Variants in MYOM2 observed in about 807,000 individuals in gnomAD.
MYOM2 encodes the protein myomesin-2.
In MYOM2, 254 loss-of-function variants were observed where a neutral mutation model predicts 187.6. The observed-to-expected ratio is 1.35, with a 90% CI of 1.22 to 1.50. MYOM2 has a LOEUF of 1.50. Among genes scored for constraint, MYOM2 ranks in the 40% most tolerant of loss-of-function variants. The pLI is 0.00. For synonymous variants in MYOM2, 981 were observed against 753.8 expected (o/e 1.30, Z -4.94); for missense variants, 2,796 against 1,924.0 (o/e 1.45, Z -8.48).
chr8:2,093,114 G>A (rs779182631), intron 16 of MYOM2, among the ~76,000 whole-genome samples: 8 of 152,162 alleles, frequency 5.3e-5, no homozygotes, highest in Non-Finnish European at 1.0e-4. Flanking sequence ...GAAAATGTCA[G>A]CAGCTGTCAG....
In MYOM2 at chr8:2,078,770, T is replaced by C. The variant is rs769993557; in HGVS notation, c.1299T>C (p.Asn433=). The C allele has an allele frequency of 1.2e-6, 2 of 1,614,052 alleles. No individual in the cohort carries two copies. The highest frequency in any genetic ancestry group is 2.2e-5 in the East Asian group (1 of 44,884). ...EVGTNNWVQC[N]DAPVKICKYP... ...GAACGAATAATTGGGTGCAGTGCAA[T>C]GATGCACCGGTGAAAATCTGCAAAT... The change falls in exon 12 of 37, where the codon AAT becomes AAC. Residue 433 remains asparagine, a synonymous_variant. Coordinates refer to ENST00000262113, the MANE Select transcript of MYOM2 (RefSeq NM_003970.4).
intron 3 of MYOM2, among the ~76,000 whole-genome samples, chr8:2,055,085 ACGAAGTACC>A (rs1208051618): frequency 3.1e-4 from 36 of 117,172 alleles, no homozygotes; most frequent in South Asian, 1.3e-3. Context: ...TACTGGGGGA[ACGAAGTACC>A]TGGATACTGG....
chr8:2,079,792 C>G (rs1350333520), intron 13 of MYOM2, among the ~76,000 whole-genome samples, 179 bp downstream of exon 13: 2 of 152,076 alleles, frequency 1.3e-5, no homozygotes, highest in Admixed American at 6.6e-5. Context: ...AAGAAAAAAT[C>G]AAGCAAGACA....
chr8:2,100,153 C>CTTCCTTCTTTCCTTCCTTCCTTCT (rs1796654442), intron 19 of MYOM2, among the ~76,000 whole-genome samples: 4 of 137,422 alleles, frequency 2.9e-5, no homozygotes, highest in Admixed American at 1.5e-4. Context: ...TCCTTCCTTC[C>CTTCCTTCTTTCCTTCCTTCCTTCT]TTCCTTCCTT....
intron 31 of MYOM2, among the ~76,000 whole-genome samples, chr8:2,128,475 A>G (rs1462807665): frequency 6.6e-6 from 1 of 152,194 alleles, no homozygotes; most frequent in Non-Finnish European, 1.5e-5. Context: ...AACAATCTCT[A>G]CTTCCAGTTC....
chr8:2,061,945 A>G (rs1818863772), intron 6 of MYOM2, among the ~76,000 whole-genome samples: 1 of 152,150 alleles, frequency 6.6e-6, no homozygotes, highest in South Asian at 2.1e-4. Flanking sequence ...TTGATGAGTG[A>G]AGGACACAGC....
rs569834838 is a variant in MYOM2, at chr8:2,136,337, G to A, written c.3801-4386G>A. Among the ~76,000 whole-genome samples, 12 of 149,570 alleles carry A rather than the reference G, an allele frequency of 8.0e-5. No individual in the cohort carries two copies. In the South Asian group the frequency reaches 2.1e-3, roughly 27 times the overall value. Reference sequence around the variant, plus strand: ...TTTACCCTGATCCCAGGGTGGCAGCGGAGGCCGCAGCTGTGACGGAGGTGG... The same window carrying A: ...TTTACCCTGATCCCAGGGTGGCAGCAGAGGCCGCAGCTGTGACGGAGGTGG... On this transcript the variant is annotated intron_variant, in intron 32 of 36. Transcript: ENST00000262113.
intron 36 of MYOM2, among the ~76,000 whole-genome samples, chr8:2,144,203 A>G (rs755795534): frequency 2.0e-5 from 3 of 152,232 alleles, no homozygotes; most frequent in South Asian, 2.1e-4. Flanking sequence ...AGCATGTTTT[A>G]ACTAAGCTTC....
chr8:2,078,887 T>TGATGC lies in MYOM2; in HGVS notation c.1418_1422dup (p.Val475MetfsTer93), dbSNP rs1282170199. On this transcript the variant is annotated frameshift_variant, in exon 12 of 37. Transcript: ENST00000262113. LOFTEE classifies it high-confidence loss of function. ...GCATCAGCCGACCCTCCAGGGTCTC[T>TGATGC]GATGCGGTGGCTGCACTTGACCCCT... 1 of 1,613,928 alleles carries TGATGC rather than the reference T, an allele frequency of 6.2e-7. No homozygotes were observed. The highest frequency in any genetic ancestry group is 8.5e-7 in the Non-Finnish European group (1 of 1,179,912).
chr8:2,144,925 C>T lies in MYOM2; in HGVS notation c.4342C>T (p.Pro1448Ser). Residue 1448 changes from proline (P) to serine (S), a missense_variant, in exon 37 of 37, where the codon CCC (proline) becomes TCC (serine). Transcript: ENST00000262113. ...HGEKIPDMAP[P>S]QQAKPKLIPA... ...GGAGAAGATCCCGGACATGGCCCCG[C>T]CCCAGCAAGCCAAGCCCAAGCTCAT... is the stretch of plus-strand genomic sequence containing the variant. 1 of 1,614,180 alleles carries T rather than the reference C, an allele frequency of 6.2e-7. No homozygotes were observed. The highest frequency in any genetic ancestry group is 1.1e-5 in the South Asian group (1 of 91,074).
intron 31 of MYOM2, among the ~76,000 whole-genome samples, chr8:2,125,721 C>T (rs1797613032): frequency 6.9e-6 from 1 of 144,598 alleles, no homozygotes; most frequent in South Asian, 2.2e-4. Context: ...GATTTTCCTA[C>T]CTCAGTCTCC....
intron 35 of MYOM2, among the ~76,000 whole-genome samples, chr8:2,143,147 C>T (rs930269175): frequency 3.3e-5 from 5 of 152,174 alleles, no homozygotes; most frequent in African/African-American, 1.2e-4. Flanking sequence ...AAGCCCAGTT[C>T]CCATCTCACA....
At chr8:2,132,978 G>A (rs1797928222) in intron 32 of MYOM2, among the ~76,000 whole-genome samples, 2 of 152,170 alleles carry the variant, frequency 1.3e-5, no homozygotes, top group African/African-American at 2.4e-5. Context: ...GGCTGGGGCG[G>A]TGACGGGACG....
Position 2,055,095 on chromosome 8 carries a change from TGG to T in MYOM2, c.264-2252_264-2251del. 8.0e-5 allele frequency among the ~76,000 whole-genome samples: 2 copies of T among 24,868 alleles called. 1 individual carries two copies. Among genetic ancestry groups the T allele is most frequent in the South Asian group, 5.8e-3 (2 of 344 alleles). 16.3% of individuals were successfully genotyped at this position (24,868 alleles called of 152,430 possible). On this transcript the variant is annotated intron_variant, in intron 3 of 36. Transcript: ENST00000262113. ...CTGGATACTGGGGGAACGAAGTACCTGGATACTGGGGTAACCAAGTACCTGGA... is the reference window on the plus strand; with the variant it reads ...CTGGATACTGGGGGAACGAAGTACCTATACTGGGGTAACCAAGTACCTGGA...
rs770694689 is a variant in MYOM2, at chr8:2,059,206, T to C, written c.614T>C (p.Ile205Thr). 102 of 1,614,010 alleles carry C rather than the reference T, an allele frequency of 6.3e-5. No individual in the cohort carries two copies. The highest frequency in any genetic ancestry group is 8.1e-5 in the Non-Finnish European group (96 of 1,180,032). ...CQAAEPGKYRIESNYGVHTLE... is the reference protein window; with the variant it reads ...CQAAEPGKYRTESNYGVHTLE... ...GCGGCTGAACCGGGAAAGTACAGGA[T>C]TGAGAGCAACTATGGCGTACACACA... is the stretch of plus-strand genomic sequence containing the variant. Residue 205 changes from isoleucine to threonine, a missense_variant, in exon 6 of 37, where the codon ATT (isoleucine) becomes ACT (threonine). Coordinates refer to ENST00000262113, the MANE Select transcript of MYOM2 (RefSeq NM_003970.4).
At chr8:2,141,305 TG>T (rs1798266385) in intron 34 of MYOM2, 128 bp downstream of exon 34, 2 of 747,696 alleles carry the variant, frequency 2.7e-6, no homozygotes, top group African/African-American at 1.7e-5. Context: ...GGGACAGAAG[TG>T]GGAATTTAAG....
chr8:2,139,352 G>T (rs1034416334), intron 32 of MYOM2, among the ~76,000 whole-genome samples: 5 of 151,978 alleles, frequency 3.3e-5, no homozygotes, highest in Admixed American at 1.3e-4. Context: ...TGTTTTCCAG[G>T]CTGGTCTCCA....
At chr8:2,096,768 CAT>C (rs1796503058) in intron 18 of MYOM2, among the ~76,000 whole-genome samples, 1 of 152,110 alleles carries the variant, frequency 6.6e-6, no homozygotes, top group South Asian at 2.1e-4. Context: ...CGGAGTCTCA[CAT>C]GTGTGCCTGA....
intron 25 of MYOM2, among the ~76,000 whole-genome samples, chr8:2,110,060 C>T (rs1797017783): frequency 6.6e-6 from 1 of 152,182 alleles, no homozygotes; most frequent in Admixed American, 6.5e-5. Context: ...TGGCGGCTCT[C>T]ACCTGTAATC....
Sources: gnomAD v4.1 joint callset for allele counts (sites outside exome capture counted in the v4.1 genomes callset) on GRCh38, gnomAD v4.1.1 for gene constraint, MANE v1.5 for transcripts, NCBI Gene and HGNC (gene_info 2026-07-23, HGNC 2026-07-21) for gene names.